Variants in CSMD1 observed in about 807,000 individuals in gnomAD.
CSMD1 encodes the protein CUB and sushi domain-containing protein 1.
A neutral mutation model predicts 417.5 loss-of-function variants in CSMD1; 213 were observed. That is an observed-to-expected ratio of 0.51 (90% confidence interval 0.46 to 0.57). The LOEUF (loss-of-function observed/expected upper bound fraction) is 0.57, where lower values mean the gene tolerates loss of function less well. CSMD1 is among the 20% of genes least tolerant of loss of function. The probability of loss-of-function intolerance (pLI) is 0.00; values close to 1 mark genes in which losing one functional copy is unlikely to be tolerated. For synonymous variants in CSMD1, 2,862 were observed against 1,736.8 expected, an observed-to-expected ratio of 1.65 and a Z score of -16.11; for missense variants, 6,923 against 4,529.7, an observed-to-expected ratio of 1.53 and a Z score of -15.17.
chr8:3,670,578 G>GGATATATATATTGC (rs1417510353), intron 7 of CSMD1, among the ~76,000 whole-genome samples: 8 of 109,516 alleles, frequency 7.3e-5, no homozygotes, highest in Non-Finnish European at 1.5e-4. Flanking sequence ...ATATATATGG[G>GGATATATATATTGC]ATATATATGG....
intron 3 of CSMD1, among the ~76,000 whole-genome samples, chr8:4,173,039 G>A (rs925602910): frequency 1.3e-5 from 2 of 152,106 alleles, no homozygotes; most frequent in East Asian, 1.9e-4. Context: ...CCCTAATATT[G>A]CAAGAAATTT....
At chr8:3,662,213 G>C (rs1241228266) in intron 7 of CSMD1, among the ~76,000 whole-genome samples, 1 of 152,192 alleles carries the variant, frequency 6.6e-6, no homozygotes, top group African/African-American at 2.4e-5. Context: ...TTAACAGTGG[G>C]TTTAGGAAAA....
chr8:4,153,353 C>A (rs958226665), intron 3 of CSMD1, among the ~76,000 whole-genome samples: 2 of 152,184 alleles, frequency 1.3e-5, no homozygotes, highest in Non-Finnish European at 2.9e-5. Context: ...GACTGTGTCT[C>A]TTTCTACATT....
Position 4,260,025 on chromosome 8 carries a change from C to CTT in CSMD1, c.415+159926_415+159927dup, listed in dbSNP as rs5889029. On this transcript the variant is annotated intron_variant, in intron 3 of 69. Transcript: ENST00000635120. ...CAGTTAACATGTCTTCTTGTGCACACTTTTTTTTTTTTAACACATACTTGA... is the reference window on the plus strand; with the variant it reads ...CAGTTAACATGTCTTCTTGTGCACACTTTTTTTTTTTTTTAACACATACTTGA... Among the ~76,000 whole-genome samples, 236 of 150,762 alleles carry CTT rather than the reference C, an allele frequency of 1.6e-3. 2 individuals carry two copies. Among genetic ancestry groups the CTT allele is most frequent in the African/African-American group, 5.4e-3 (222 of 41,062 alleles).
At chr8:3,899,054 G>C (rs1418040913) in intron 5 of CSMD1, among the ~76,000 whole-genome samples, 1 of 152,108 alleles carries the variant, frequency 6.6e-6, no homozygotes. Context: ...AAACAATTGA[G>C]GTCAATAAAA....
chr8:3,192,324 G>A (rs1299924527), intron 33 of CSMD1, among the ~76,000 whole-genome samples: 2 of 152,158 alleles, frequency 1.3e-5, no homozygotes. Flanking sequence ...TGGAATTCTT[G>A]TAGGTGTTGG....
chr8:3,728,265 C>A (rs1802612548), intron 6 of CSMD1, among the ~76,000 whole-genome samples: 1 of 152,132 alleles, frequency 6.6e-6, no homozygotes, highest in African/African-American at 2.4e-5. Flanking sequence ...TCTCTCTTTG[C>A]CGCCACCATG....
At chr8:4,880,876 C>T (rs1713480924) in intron 1 of CSMD1, among the ~76,000 whole-genome samples, 1 of 152,072 alleles carries the variant, frequency 6.6e-6, no homozygotes, top group Admixed American at 6.5e-5. Context: ...ATTATTCATG[C>T]TTTATAGAAA....
At position 3,381,818 on chromosome 8, in the gene CSMD1, G is replaced by A. The variant is rs191326111; in HGVS notation, c.2782+5676C>T. 3.9e-5 allele frequency among the ~76,000 whole-genome samples: 6 copies of A among 152,232 alleles called. No homozygotes were observed. In the East Asian group the frequency reaches 9.7e-4, roughly 25 times the overall value. On this transcript the variant is annotated intron_variant, in intron 18 of 69. Transcript: ENST00000635120. ...CTACAGCCTAGTTATCTCTGAAGAG[G>A]CGAGCATGAGAGTTACAATTTTAGA...
chr8:3,854,834 A>C lies in CSMD1; in HGVS notation c.819-100792T>G, dbSNP rs73661007. 1.1e-3 allele frequency among the ~76,000 whole-genome samples: 166 copies of C among 152,324 alleles called. 1 individual carries two copies. Among genetic ancestry groups the C allele is most frequent in the African/African-American group, 3.3e-3 (137 of 41,576 alleles). On this transcript the variant is annotated intron_variant, in intron 5 of 69. Transcript: ENST00000635120. ...TATAATATTACTAAACATAACAAAA[A>C]CAGGGAATTGTTAAATCAATTCTAA...
chr8:2,974,500 T>C lies in CSMD1; in HGVS notation c.8691A>G (p.Arg2897=). ...GSESLIGNDT[R]VCQEDSHWSG... ...TCCAGTGACTGTCTTCCTGGCACACTCTCGTGTCGTTGCCTATGAGGCTCT... is the reference window on the plus strand; with the variant it reads ...TCCAGTGACTGTCTTCCTGGCACACCCTCGTGTCGTTGCCTATGAGGCTCT... Residue 2897 remains arginine (R), a synonymous_variant, in exon 56 of 70, where the codon AGA becomes AGG. Coordinates refer to ENST00000635120, the MANE Select transcript of CSMD1 (RefSeq NM_033225.6). 1 of 1,613,600 alleles carries C rather than the reference T, an allele frequency of 6.2e-7. No homozygotes were observed. The highest frequency in any genetic ancestry group is 8.5e-7 in the Non-Finnish European group (1 of 1,179,636).
intron 3 of CSMD1, among the ~76,000 whole-genome samples, chr8:4,393,683 A>G (rs562919171): frequency 6.6e-6 from 1 of 152,192 alleles, no homozygotes; most frequent in African/African-American, 2.4e-5. Context: ...CCTATACTAT[A>G]ATTAACCAAG....
chr8:3,047,063 C>A (rs991085142), intron 50 of CSMD1, among the ~76,000 whole-genome samples: 1 of 151,900 alleles, frequency 6.6e-6, no homozygotes, highest in Admixed American at 6.6e-5. Context: ...CAAAAATTAG[C>A]TGGGTGTGGT....
At chr8:4,679,684 C>T (rs925546334) in intron 1 of CSMD1, among the ~76,000 whole-genome samples, 8 of 151,590 alleles carry the variant, frequency 5.3e-5, no homozygotes, top group African/African-American at 2.0e-4. Flanking sequence ...TAACTATCTA[C>T]AAGAACCCAG....
intron 1 of CSMD1, among the ~76,000 whole-genome samples, chr8:4,775,750 C>T (rs577184448): frequency 1.3e-5 from 2 of 152,152 alleles, no homozygotes; most frequent in Non-Finnish European, 2.9e-5. Flanking sequence ...GTCCTGCCAT[C>T]CAAGAGTCTG....
intron 3 of CSMD1, among the ~76,000 whole-genome samples, chr8:4,417,067 T>G (rs997581864): frequency 2.0e-5 from 3 of 151,810 alleles, no homozygotes; most frequent in Admixed American, 6.6e-5. Flanking sequence ...ATTAAGTTAC[T>G]ACCTTCAATT....
At chr8:4,908,963 T>C (rs1805486171) in intron 1 of CSMD1, among the ~76,000 whole-genome samples, 1 of 152,226 alleles carries the variant, frequency 6.6e-6, no homozygotes, top group South Asian at 2.1e-4. Context: ...TTTCCTTGCC[T>C]TTAGCATGCC....
chr8:3,354,046 T>G (rs1364126962), intron 21 of CSMD1, among the ~76,000 whole-genome samples: 3 of 152,150 alleles, frequency 2.0e-5, no homozygotes, highest in African/African-American at 7.2e-5. Context: ...CCCAAATCCA[T>G]AGCATTAACC....
At chr8:3,363,594 C>T (rs1159233758) in intron 20 of CSMD1, among the ~76,000 whole-genome samples, 1 of 152,076 alleles carries the variant, frequency 6.6e-6, no homozygotes, top group South Asian at 2.1e-4. Flanking sequence ...GTGGCGCGAT[C>T]TCCGCTCACT....
Sources: gnomAD v4.1 joint callset for allele counts (sites outside exome capture counted in the v4.1 genomes callset) on GRCh38, gnomAD v4.1.1 for gene constraint, MANE v1.5 for transcripts, NCBI Gene and HGNC (gene_info 2026-07-23, HGNC 2026-07-21) for gene names.